ANOS1: variants seen among roughly 807,000 people sequenced by gnomAD.
The protein encoded by ANOS1 is anosmin 1.
Under a neutral mutation model 59.0 loss-of-function variants are expected in ANOS1, and 6 were observed. That is an observed-to-expected ratio of 0.10 (90% CI 0.06 to 0.20). The LOEUF is 0.20. Among genes scored for constraint, ANOS1 ranks in the 10% least tolerant of loss-of-function variants. The pLI is 1.00. For synonymous variants in ANOS1, 217 were observed against 223.4 expected, an observed-to-expected ratio of 0.97 and a Z score of 0.25; for missense variants, 433 against 542.3, an observed-to-expected ratio of 0.80 and a Z score of 2.00.
Position 8,711,715 on chromosome X carries a change from C to T in ANOS1, c.208-11970G>A, listed in dbSNP as rs183202572. 5.4e-4 allele frequency among the ~76,000 whole-genome samples: 61 copies of T among 112,329 alleles called. 1 individual carries two copies. The highest frequency in any genetic ancestry group is 5.0e-3 in the Admixed American group (53 of 10,621). On this transcript the variant is annotated intron_variant, in intron 1 of 13. Coordinates refer to ENST00000262648, the MANE Select transcript of ANOS1 (RefSeq NM_000216.4). Reference sequence around the variant, plus strand: ...GGTTGATTAATCCCAATTAATCATGCGATTAGCCATGGAGAAGTCAGAATT... The same window carrying T: ...GGTTGATTAATCCCAATTAATCATGTGATTAGCCATGGAGAAGTCAGAATT...
chrX:8,687,593 A>AACACAC (rs58384646), intron 2 of ANOS1, among the ~76,000 whole-genome samples: 5,089 of 95,604 alleles, frequency 0.053, 143 homozygotes, highest in Non-Finnish European at 0.079. Flanking sequence ...TAATCCAGTA[A>AACACAC]ACACACACAC....
At chrX:8,645,542 A>G (rs1448143631) in intron 2 of ANOS1, among the ~76,000 whole-genome samples, 1 of 108,214 alleles carries the variant, frequency 9.2e-6, no homozygotes, top group Non-Finnish European at 1.9e-5. Flanking sequence ...ATATTTCTCC[A>G]CTCTTCTTCT....
At chrX:8,648,811 C>T (rs1168622085) in intron 2 of ANOS1, among the ~76,000 whole-genome samples, 2 of 112,074 alleles carry the variant, frequency 1.8e-5, no homozygotes, top group Non-Finnish European at 3.8e-5. Context: ...TATATACTTT[C>T]TATCTTTCTA....
At chrX:8,692,391 G>A (rs1234032717) in intron 2 of ANOS1, among the ~76,000 whole-genome samples, 1 of 110,814 alleles carries the variant, frequency 9.0e-6, no homozygotes, top group Non-Finnish European at 1.9e-5. Context: ...TTTTTTAGAA[G>A]TCATTTGCTA....
At chrX:8,601,195 A>G (rs1020813907) in intron 3 of ANOS1, among the ~76,000 whole-genome samples, 4 of 11,192 alleles carry the variant, frequency 3.6e-4, no homozygotes, top group Non-Finnish European at 1.3e-4. Context: ...CTTTGTCTCA[A>G]AAAAAAAAAA....
intron 2 of ANOS1, among the ~76,000 whole-genome samples, chrX:8,625,871 G>C (rs763999513): frequency 9.1e-6 from 1 of 110,421 alleles, no homozygotes; most frequent in South Asian, 3.9e-4. Context: ...CCAGCACTTT[G>C]GGAGGCCGAG....
At chrX:8,618,694 T>G (rs1289213246) in intron 3 of ANOS1, among the ~76,000 whole-genome samples, 1 of 112,280 alleles carries the variant, frequency 8.9e-6, no homozygotes, top group Non-Finnish European at 1.9e-5. Context: ...CCATTGATTG[T>G]GAGAAAGGAA....
intron 3 of ANOS1, among the ~76,000 whole-genome samples, chrX:8,621,987 C>T (rs1217307952): frequency 4.5e-5 from 5 of 111,858 alleles, no homozygotes; most frequent in Admixed American, 2.9e-4. Context: ...AGAACACAAA[C>T]AAAGACATGG....
chrX:8,672,151 T>C (rs1336600324), intron 2 of ANOS1, among the ~76,000 whole-genome samples: 1 of 108,694 alleles, frequency 9.2e-6, no homozygotes, highest in African/African-American at 3.5e-5. Flanking sequence ...GCTTTACATA[T>C]ACACACATGC....
At position 8,609,050 on chromosome X, in the gene ANOS1, A is replaced by G. The variant is rs1037071413; in HGVS notation, c.319-11794T>C. Among the ~76,000 whole-genome samples the G allele has an allele frequency of 5.3e-5, 6 of 112,467 alleles. No homozygotes were observed. In the East Asian group the frequency reaches 1.7e-3, roughly 31 times the overall value. On this transcript the variant is annotated intron_variant, in intron 3 of 13. Transcript: ENST00000262648. Reference sequence around the variant, plus strand: ...TCGTTATGAACAAGTAAGAGAAAGTACAAATTCCATAAGTTAAGGGACTGG... The same window carrying G: ...TCGTTATGAACAAGTAAGAGAAAGTGCAAATTCCATAAGTTAAGGGACTGG...
chrX:8,632,674 A>G (rs914760301), intron 2 of ANOS1, among the ~76,000 whole-genome samples: 3 of 111,156 alleles, frequency 2.7e-5, no homozygotes, highest in African/African-American at 6.5e-5. Flanking sequence ...TTCTTTCACA[A>G]AAGTATTTTC....
chrX:8,714,526 CGTGCCCCAGAG>C (rs2146907590), intron 1 of ANOS1, among the ~76,000 whole-genome samples: 1 of 111,062 alleles, frequency 9.0e-6, no homozygotes, highest in Non-Finnish European at 1.9e-5. Flanking sequence ...AAAAACGTAC[CGTGCCCCAGAG>C]ATAAAAACTA....
chrX:8,551,878 C>T (rs1473569589), intron 9 of ANOS1, among the ~76,000 whole-genome samples: 3 of 111,924 alleles, frequency 2.7e-5, no homozygotes, highest in Admixed American at 9.4e-5. Context: ...GAGGCTGAGG[C>T]GGGAGAATCG....
intron 2 of ANOS1, among the ~76,000 whole-genome samples, chrX:8,649,623 A>C (rs1410319113): frequency 8.9e-6 from 1 of 112,867 alleles, no homozygotes; most frequent in Non-Finnish European, 1.9e-5. Context: ...CATAAGCAAT[A>C]GGTATTCAGT....
At chrX:8,554,266 T>G (rs1929904712) in intron 8 of ANOS1, among the ~76,000 whole-genome samples, 168 bp from the exon 9 acceptor site, 1 of 111,424 alleles carries the variant, frequency 9.0e-6, no homozygotes, top group Non-Finnish European at 1.9e-5. Context: ...TCATTAGGAC[T>G]GGTTAGACAG....
At chrX:8,686,284 C>A (rs1207183027) in intron 2 of ANOS1, among the ~76,000 whole-genome samples, 2 of 111,872 alleles carry the variant, frequency 1.8e-5, no homozygotes, top group Non-Finnish European at 3.8e-5. Flanking sequence ...TATCCTTCTA[C>A]CGATTTATTA....
chrX:8,566,926 A>G (rs1326649516), intron 8 of ANOS1, among the ~76,000 whole-genome samples: 1 of 111,633 alleles, frequency 9.0e-6, no homozygotes, highest in Non-Finnish European at 1.9e-5. Flanking sequence ...TGTTTAACAC[A>G]TTCTTCTTCT....
At chrX:8,666,506 C>G (rs1003915664) in intron 2 of ANOS1, among the ~76,000 whole-genome samples, 2 of 111,737 alleles carry the variant, frequency 1.8e-5, no homozygotes, top group Non-Finnish European at 3.8e-5. Context: ...TATACACACA[C>G]AATGGAGTCA....
At chrX:8,623,883 A>G (rs1931341089) in intron 2 of ANOS1, among the ~76,000 whole-genome samples, 1 of 111,603 alleles carries the variant, frequency 9.0e-6, no homozygotes, top group Non-Finnish European at 1.9e-5. Flanking sequence ...GTATTTCAAC[A>G]CAATTGGAAA....
Sources: allele counts gnomAD v4.1 joint callset (sites outside exome capture counted in the v4.1 genomes callset), GRCh38; gene constraint gnomAD v4.1.1; transcripts MANE v1.5; gene names NCBI Gene and HGNC (gene_info 2026-07-23, HGNC 2026-07-21).